UBE2H: variants seen among roughly 807,000 people sequenced by gnomAD.
UBE2H encodes ubiquitin conjugating enzyme E2 H.
A neutral mutation model predicts 29.0 loss-of-function variants in UBE2H; 3 were observed. The ratio of observed to expected loss-of-function variants is 0.10; its 90% CI spans 0.05 to 0.27. UBE2H has a LOEUF of 0.27. Ranked by LOEUF, UBE2H falls within the 10% of genes least tolerant of loss-of-function variation. The probability of loss-of-function intolerance (pLI) is 1.00; values close to 1 mark genes in which losing one functional copy is unlikely to be tolerated. For missense variants in UBE2H, 68 were observed against 228.2 expected, an observed-to-expected ratio of 0.30 and a Z score of 4.52; for synonymous variants, 69 against 82.9, an observed-to-expected ratio of 0.83 and a Z score of 0.91.
intron 1 of UBE2H, among the ~76,000 whole-genome samples, chr7:129,916,998 C>T (rs1478230154): frequency 1.3e-5 from 2 of 149,088 alleles, no homozygotes; most frequent in African/African-American, 5.0e-5. Context: ...GATCACACCA[C>T]TGCACTTCAG....
chr7:129,936,159 C>A (rs1336300817), intron 1 of UBE2H, among the ~76,000 whole-genome samples: 1 of 152,154 alleles, frequency 6.6e-6, no homozygotes, highest in Non-Finnish European at 1.5e-5. Context: ...ACTGACAAAA[C>A]ACTTTAAGAA....
chr7:129,844,591 T>C (rs1371350652), intron 5 of UBE2H, among the ~76,000 whole-genome samples: 3 of 152,200 alleles, frequency 2.0e-5, no homozygotes, highest in African/African-American at 7.2e-5. Context: ...CCAGATACAG[T>C]TGACCTAAAC....
At chr7:129,915,515 C>A (rs894530424) in intron 1 of UBE2H, among the ~76,000 whole-genome samples, 5 of 152,118 alleles carry the variant, frequency 3.3e-5, no homozygotes, top group African/African-American at 1.2e-4. Context: ...GCCTGGGTGA[C>A]AGAGCGAGAC....
At chr7:129,854,060 G>GTTTTT (rs56362841) in intron 5 of UBE2H, among the ~76,000 whole-genome samples, 5 of 100,278 alleles carry the variant, frequency 5.0e-5, no homozygotes, top group African/African-American at 8.0e-5. Flanking sequence ...TTTAGTGTTA[G>GTTTTT]TTTTTTTTTT....
intron 1 of UBE2H, among the ~76,000 whole-genome samples, chr7:129,922,510 C>CTTG (rs549512076): frequency 1.3e-5 from 2 of 152,130 alleles, no homozygotes; most frequent in South Asian, 4.1e-4. Context: ...CTCCTGACCT[C>CTTG]AAGTGATCCA....
At chr7:129,840,123 G>A (rs1258446608) in intron 5 of UBE2H, among the ~76,000 whole-genome samples, 2 of 152,094 alleles carry the variant, frequency 1.3e-5, no homozygotes, top group African/African-American at 4.8e-5. Context: ...AATCTATATG[G>A]ACCACATAAG....
intron 1 of UBE2H, among the ~76,000 whole-genome samples, chr7:129,904,876 G>T (rs967686765): frequency 6.6e-6 from 1 of 152,222 alleles, no homozygotes; most frequent in African/African-American, 2.4e-5. Context: ...CACTGAAGGT[G>T]CTCCTGTCCT....
At chr7:129,880,551 C>T (rs899658900) in intron 2 of UBE2H, among the ~76,000 whole-genome samples, 6 of 152,138 alleles carry the variant, frequency 3.9e-5, no homozygotes, top group Admixed American at 2.6e-4. Context: ...CAACTATTTA[C>T]ATAACATTTG....
chr7:129,880,015 GTGGCCATCCATAA>G (rs1806223197), intron 2 of UBE2H, among the ~76,000 whole-genome samples: 1 of 151,748 alleles, frequency 6.6e-6, no homozygotes, highest in African/African-American at 2.4e-5. Context: ...AACCATTCAC[GTGGCCATCCATAA>G]CAAAACCCAG....
chr7:129,881,270 G>A (rs1356312219), intron 1 of UBE2H, among the ~76,000 whole-genome samples: 2 of 152,126 alleles, frequency 1.3e-5, no homozygotes, highest in East Asian at 3.9e-4. Flanking sequence ...TTTGCAAATT[G>A]GGAAAACAGC....
chr7:129,885,654 T>A (rs1418615078), intron 1 of UBE2H, among the ~76,000 whole-genome samples: 1 of 152,246 alleles, frequency 6.6e-6, no homozygotes, highest in East Asian at 1.9e-4. Flanking sequence ...TAAAGAGTTC[T>A]CATAGTCTAC....
At chr7:129,880,869 G>T in intron 2 of UBE2H, 26 bp downstream of exon 2, 2 of 1,583,086 alleles carry the variant, frequency 1.3e-6, no homozygotes, top group Non-Finnish European at 8.7e-7. Flanking sequence ...TGTAATAGAA[G>T]AACACATACC....
intron 3 of UBE2H, chr7:129,865,154 GC>G (rs1805878702): frequency 2.8e-6 from 1 of 355,920 alleles, no homozygotes; most frequent in African/African-American, 2.1e-5. Flanking sequence ...AGAAAAATAT[GC>G]CTTGCTTTTG....
intron 5 of UBE2H, among the ~76,000 whole-genome samples, chr7:129,854,060 G>GGTTTTTTTTTTTTTTTTTTTTTTT (rs1554430936): frequency 4.0e-5 from 4 of 100,282 alleles, no homozygotes; most frequent in Non-Finnish European, 4.0e-5. Flanking sequence ...TTTAGTGTTA[G>GGTTTTTTTTTTTTTTTTTTTTTTT]TTTTTTTTTT....
chr7:129,876,057 A>G (rs1218615284), intron 3 of UBE2H, among the ~76,000 whole-genome samples: 5 of 152,204 alleles, frequency 3.3e-5, no homozygotes, highest in African/African-American at 4.8e-5. Context: ...CTCCTAAAAA[A>G]CAATGGAACC....
chr7:129,921,728 A>G (rs1462215393), intron 1 of UBE2H, among the ~76,000 whole-genome samples: 1 of 151,644 alleles, frequency 6.6e-6, no homozygotes, highest in East Asian at 1.9e-4. Flanking sequence ...TGACTTCATA[A>G]ATTATTAGAA....
chr7:129,924,491 G>A (rs1026051444), intron 1 of UBE2H, among the ~76,000 whole-genome samples: 7 of 152,036 alleles, frequency 4.6e-5, no homozygotes, highest in African/African-American at 1.7e-4. Context: ...TAGTTTTACT[G>A]TGCATATTTC....
chr7:129,847,056 A>C, intron 5 of UBE2H, among the ~76,000 whole-genome samples: 1 of 150,546 alleles, frequency 6.6e-6, no homozygotes. Flanking sequence ...GTCTCGCTCT[A>C]TCTCCCCAGG....
chr7:129,945,544 G>A (rs1467007792), intron 1 of UBE2H, among the ~76,000 whole-genome samples: 1 of 152,190 alleles, frequency 6.6e-6, no homozygotes, highest in Non-Finnish European at 1.5e-5. Context: ...CCCGCTGAGT[G>A]TAGGGCTCTG....
Sources: allele counts gnomAD v4.1 joint callset (sites outside exome capture counted in the v4.1 genomes callset), GRCh38; gene constraint gnomAD v4.1.1; transcripts MANE v1.5; gene names NCBI Gene and HGNC (gene_info 2026-07-23, HGNC 2026-07-21).